Variants in LRMDA observed in about 807,000 individuals in gnomAD.
LRMDA encodes the protein leucine-rich melanocyte differentiation-associated protein.
Under a neutral mutation model 29.8 loss-of-function variants are expected in LRMDA, and 18 were observed. The ratio of observed to expected loss-of-function variants is 0.60; its 90% CI spans 0.42 to 0.90. The LOEUF (loss-of-function observed/expected upper bound fraction) is 0.90. Ranked by LOEUF, LRMDA falls within the 40% of genes least tolerant of loss-of-function variation. The probability of loss-of-function intolerance (pLI) is 0.00; values close to 1 mark genes in which losing one functional copy is unlikely to be tolerated. For missense variants in LRMDA, 273 were observed against 273.9 expected (o/e 1.00, Z 0.02); for synonymous variants, 125 against 109.4 (o/e 1.14, Z -0.89).
chr10:75,916,187 T>TGTGTGG (rs1217913668), intron 2 of LRMDA, among the ~76,000 whole-genome samples: 1 of 109,992 alleles, frequency 9.1e-6, no homozygotes, highest in Non-Finnish European at 2.1e-5. Flanking sequence ...TGTGTGTGTG[T>TGTGTGG]GTGTGTGTGG....
At chr10:76,507,845 T>C (rs147187417) in intron 6 of LRMDA, among the ~76,000 whole-genome samples, 101 of 152,216 alleles carry the variant, frequency 6.6e-4, no homozygotes, top group African/African-American at 2.4e-3. Context: ...TTTTTTTCCA[T>C]TGGTCTATGT....
chr10:76,010,099 C>G (rs1847750023), intron 2 of LRMDA, among the ~76,000 whole-genome samples: 1 of 152,112 alleles, frequency 6.6e-6, no homozygotes, highest in African/African-American at 2.4e-5. Context: ...CACAACAGTC[C>G]TGGGAAAAGG....
chr10:76,129,817 G>T (rs547565150), intron 5 of LRMDA, among the ~76,000 whole-genome samples: 1 of 152,200 alleles, frequency 6.6e-6, no homozygotes, highest in Admixed American at 6.5e-5. Context: ...GTGTTTTAGT[G>T]GGAAATAGTC....
chr10:75,571,074 C>A (rs1840431321), intron 2 of LRMDA, among the ~76,000 whole-genome samples: 1 of 152,178 alleles, frequency 6.6e-6, no homozygotes, highest in African/African-American at 2.4e-5. Flanking sequence ...ATTTAAATAT[C>A]TGCATAATTT....
chr10:76,477,452 A>G (rs1025113558), intron 6 of LRMDA, among the ~76,000 whole-genome samples: 3 of 152,028 alleles, frequency 2.0e-5, no homozygotes, highest in African/African-American at 7.2e-5. Flanking sequence ...GGAAGAATCA[A>G]TATCGTGAAA....
At chr10:75,561,869 A>G (rs1840300581) in intron 2 of LRMDA, among the ~76,000 whole-genome samples, 2 of 151,948 alleles carry the variant, frequency 1.3e-5, no homozygotes, top group Non-Finnish European at 2.9e-5. Flanking sequence ...CCTGAGTTCT[A>G]GTTTGATTGC....
chr10:75,779,745 T>C (rs1362358265), intron 2 of LRMDA, among the ~76,000 whole-genome samples: 1 of 152,180 alleles, frequency 6.6e-6, no homozygotes, highest in Non-Finnish European at 1.5e-5. Context: ...GGATGAAGGC[T>C]CTGGCATCTT....
chr10:75,847,746 A>G (rs959534306), intron 2 of LRMDA, among the ~76,000 whole-genome samples: 2 of 152,160 alleles, frequency 1.3e-5, no homozygotes, highest in Non-Finnish European at 2.9e-5. Context: ...AAAATATCAC[A>G]TGATTCAACA....
At position 75,800,802 on chromosome 10, in the gene LRMDA, T is replaced by A. The variant is rs2132260799; in HGVS notation, c.132-235206T>A. On this transcript the variant is annotated intron_variant, in intron 2 of 6. Transcript: ENST00000611255. ...ACATTTTTATGTTTCTTTGTATATG[T>A]AGCATTTTCCATTGCGTTAATATGT... Among the ~76,000 whole-genome samples the A allele has an allele frequency of 2.0e-5, 3 of 152,382 alleles. No homozygotes were observed. In the Middle Eastern group the frequency reaches 0.01, roughly 518 times the overall value.
chr10:75,524,657 G>A (rs534465900), intron 2 of LRMDA, among the ~76,000 whole-genome samples: 1 of 152,284 alleles, frequency 6.6e-6, no homozygotes, highest in South Asian at 2.1e-4. Flanking sequence ...CTTGGCCTAT[G>A]TAGTAATCAG....
intron 2 of LRMDA, among the ~76,000 whole-genome samples, chr10:75,665,292 C>T (rs988526595): frequency 7.2e-5 from 11 of 152,164 alleles, no homozygotes; most frequent in South Asian, 2.1e-4. Flanking sequence ...AGCAGACAGG[C>T]GATTTCCCCC....
intron 2 of LRMDA, among the ~76,000 whole-genome samples, chr10:75,685,763 A>G (rs1297587971): frequency 1.3e-5 from 2 of 152,258 alleles, no homozygotes; most frequent in African/African-American, 2.4e-5. Flanking sequence ...TAGCTTTGTT[A>G]GATAAGGAGT....
At chr10:75,602,274 C>T (rs558568281) in intron 2 of LRMDA, among the ~76,000 whole-genome samples, 20 of 152,112 alleles carry the variant, frequency 1.3e-4, no homozygotes, top group Non-Finnish European at 2.8e-4. Context: ...TCTAGAATGA[C>T]TAAGAAATGG....
At chr10:75,831,677 A>G (rs992621275) in intron 2 of LRMDA, among the ~76,000 whole-genome samples, 2 of 152,180 alleles carry the variant, frequency 1.3e-5, no homozygotes, top group African/African-American at 4.8e-5. Flanking sequence ...TTGCCCTAGT[A>G]GAGGTTCTCC....
At chr10:75,836,272 T>C (rs540522126) in intron 2 of LRMDA, among the ~76,000 whole-genome samples, 16 of 152,126 alleles carry the variant, frequency 1.1e-4, no homozygotes, top group Non-Finnish European at 1.9e-4. Flanking sequence ...AGCCAACACA[T>C]GTTATAGAGC....
At chr10:76,367,938 GT>G (rs1841410947) in intron 6 of LRMDA, among the ~76,000 whole-genome samples, 1 of 152,066 alleles carries the variant, frequency 6.6e-6, no homozygotes. Context: ...AGTGGTCTCA[GT>G]TGTAATATCT....
rs770666016 is a variant in LRMDA at position 76,184,862 on chromosome 10, G to A, written c.516+126079G>A. ...CCAAAATGGAACGATGTGCACTTTC[G>A]GAATCCCTTTAATTCTTGAGACTAA... On this transcript the variant is annotated intron_variant, in intron 5 of 6. Transcript: ENST00000611255. Among the ~76,000 whole-genome samples the A allele has an allele frequency of 2.6e-5, 4 of 152,144 alleles. No homozygotes were observed. In the East Asian group the frequency reaches 5.8e-4, roughly 22 times the overall value.
At chr10:76,031,345 C>T (rs1848146739) in intron 2 of LRMDA, among the ~76,000 whole-genome samples, 1 of 152,190 alleles carries the variant, frequency 6.6e-6, no homozygotes, top group African/African-American at 2.4e-5. Context: ...CCAGGGAAAC[C>T]ATGAGGAGGC....
At chr10:76,235,729 A>G (rs1472221102) in intron 5 of LRMDA, among the ~76,000 whole-genome samples, 1 of 152,198 alleles carries the variant, frequency 6.6e-6, no homozygotes, top group Non-Finnish European at 1.5e-5. Context: ...TGGCAGGGAC[A>G]TGAGTTTTGG....
Sources: gnomAD v4.1 joint callset for allele counts (sites outside exome capture counted in the v4.1 genomes callset) on GRCh38, gnomAD v4.1.1 for gene constraint, MANE v1.5 for transcripts, NCBI Gene and HGNC (gene_info 2026-07-23, HGNC 2026-07-21) for gene names.